OBSL1: variants seen among roughly 807,000 people sequenced by gnomAD.
OBSL1 encodes the protein obscurin-like protein 1.
Under a neutral mutation model 172.0 loss-of-function variants are expected in OBSL1, and 160 were observed. The observed-to-expected ratio is 0.93, with a 90% CI of 0.82 to 1.06. OBSL1 has a LOEUF of 1.06. Ranked by LOEUF, OBSL1 falls within the 50% of genes least tolerant of loss-of-function variation. The probability of loss-of-function intolerance (pLI) is 0.00; values close to 1 mark genes in which losing one functional copy is unlikely to be tolerated. For missense variants in OBSL1, 2,681 were observed against 2,715.4 expected (o/e 0.99, Z 0.28); for synonymous variants, 1,200 against 1,196.3 (o/e 1.00, Z -0.06).
chr2:219,551,063 G>A (rs1695579222), intron 20 of OBSL1: 1 of 1,428,390 alleles, frequency 7.0e-7, no homozygotes, highest in African/African-American at 1.4e-5. Flanking sequence ...ATTTGGGATA[G>A]AAGGTGGGAT....
intron 7 of OBSL1, chr2:219,562,913 C>G (rs1265728524): frequency 1.8e-6 from 1 of 564,166 alleles, no homozygotes; most frequent in Middle Eastern, 4.6e-4. Context: ...ACGGGGTCAG[C>G]CTCGGCTGTA....
In OBSL1 at chr2:219,570,686, G is replaced by A. The variant is rs754564362; in HGVS notation, c.547C>T (p.Arg183Cys). ...CTCGCGCCGGGGCCGTCCTCGGCGC[G>A]GCCCGGCTGGAGCGCGAAGTGGCTG... ...DSSHFALQPG[R>C]AEDGPGASLA... The change falls in exon 1 of 21, where the codon CGC becomes TGC. Residue 183 changes from arginine (R) to cysteine (C), a missense_variant. By Grantham distance (180) the Arg-to-Cys change is radical. This residue lies in a region of OBSL1 where 706 missense variants were observed against 695.8 expected (regional missense o/e 1.01). Transcript: ENST00000404537. 2.0e-6 allele frequency: 3 copies of A among 1,508,658 alleles called. No homozygotes were observed. The South Asian group carries it at 3.7e-5, about 19-fold the overall frequency. The allele number at this position is 1,508,658 out of a possible 1,614,324, so 93.5% of individuals were successfully genotyped here. A position where few individuals can be genotyped will look rare whatever the true frequency, so the allele number is the denominator to read the frequency against.
Position 219,559,225 on chromosome 2 carries a change from C to T in OBSL1, c.3226G>A (p.Ala1076Thr). ...DSAFFTVTVT[A>T]PPERIVHPAA... is the part of the protein sequence containing the mutation. Reference sequence around the variant, plus strand: ...TCTCTGTGCTGCAGAGACTGCCCACCTGTGACAGTGACAGTGAAGAAGGCC... The same window carrying T: ...TCTCTGTGCTGCAGAGACTGCCCACTTGTGACAGTGACAGTGAAGAAGGCC... The change falls in exon 9 of 21, where the codon GCC (alanine) becomes ACC (threonine). Residue 1076 changes from alanine to threonine, a missense_variant and splice_region_variant. Ala to Thr is a moderately conservative substitution (Grantham distance 58). This residue lies in a region of OBSL1 where 1,765 missense variants were observed against 1,748.3 expected (regional missense o/e 1.01). Transcript: ENST00000404537. 6.3e-7 allele frequency: 1 copy of T among 1,599,614 alleles called. No individual in the cohort carries two copies. Among genetic ancestry groups the T allele is most frequent in the East Asian group, 2.2e-5 (1 of 44,704 alleles).
rs2106018340 is a variant in OBSL1 at position 219,554,873 on chromosome 2, A to T, written c.4610-133T>A. 3.0e-6 allele frequency: 3 copies of T among 1,011,542 alleles called. No homozygotes were observed. In the East Asian group the frequency reaches 7.9e-5, roughly 27 times the overall value. 62.7% of individuals were successfully genotyped at this position (1,011,542 alleles called of 1,614,324 possible). ...AAGGTCCTGACCAAAAAAGTTCGGA[A>T]CCAGGGTGCAGGAAGAAAGGAGCAC... is the stretch of plus-strand genomic sequence containing the variant. On this transcript the variant is annotated intron_variant, in intron 14 of 20. Transcript: ENST00000404537.
chr2:219,549,306 G>A (rs768615069), downstream of OBSL1: 65 of 1,613,844 alleles, frequency 4.0e-5, no homozygotes, highest in South Asian at 7.1e-4. Context: ...CTGCTTATCG[G>A]CGCAGGCCAG....
At chr2:219,562,171 A>G (rs1483076665) in intron 8 of OBSL1, among the ~76,000 whole-genome samples, 2 of 152,108 alleles carry the variant, frequency 1.3e-5, no homozygotes, top group African/African-American at 4.8e-5. Context: ...TGATTCAGGG[A>G]AAGTGCTCAG....
At chr2:219,562,725 C>A in intron 7 of OBSL1, 51 bp from the exon 8 acceptor site, 1 of 1,497,538 alleles carries the variant, frequency 6.7e-7, no homozygotes, top group East Asian at 2.5e-5. Context: ...GCCCTGCCGT[C>A]CTCCCTGACC....
chr2:219,565,572 G>T lies in OBSL1; in HGVS notation c.2135-58C>A, dbSNP rs939323109. On this transcript the variant is annotated intron_variant, in intron 5 of 20. Coordinates refer to ENST00000404537, the MANE Select transcript of OBSL1 (RefSeq NM_015311.3). Reference sequence around the variant, plus strand: ...CCCTCCGGTGCATGGGCTCAGTGTCGGATGCATCAGAGGGAACAACTGCTG... The same window carrying T: ...CCCTCCGGTGCATGGGCTCAGTGTCTGATGCATCAGAGGGAACAACTGCTG... 5.8e-6 allele frequency: 9 copies of T among 1,540,332 alleles called. No homozygotes were observed. In the Admixed American group the frequency reaches 1.5e-4, roughly 26 times the overall value.
chr2:219,557,998 G>A lies in OBSL1; in HGVS notation c.3615C>T (p.Val1205=). 1 of 1,612,138 alleles carries A rather than the reference G, an allele frequency of 6.2e-7. No individual in the cohort carries two copies. The highest frequency in any genetic ancestry group is 2.2e-5 in the East Asian group (1 of 44,856). ...GCACGGGCCTCCCATTGTGGCTCCA[G>A]ACCACGGGGGCGCCAGCCCGGGACA... The part of the protein sequence containing the change: ...CELSRAGAPV[V]WSHNGRPVQE... Residue 1205 remains valine, a synonymous_variant, in exon 11 of 21, where the codon GTC becomes GTT. Coordinates refer to ENST00000404537, the MANE Select transcript of OBSL1 (RefSeq NM_015311.3).
At chr2:219,549,183 A>C, downstream of OBSL1, 1 of 1,613,982 alleles carries the variant, frequency 6.2e-7, no homozygotes, top group Non-Finnish European at 8.5e-7. Context: ...GACGCGTGCA[A>C]CTGATGCGGA....
rs749970893 is a variant in OBSL1 at position 219,567,403 on chromosome 2, G to A, written c.1707C>T (p.Ile569=). 3.7e-6 allele frequency: 6 copies of A among 1,612,908 alleles called. No individual in the cohort carries two copies. The East Asian group carries it at 6.7e-5, about 18-fold the overall frequency. The part of the protein sequence containing the change: ...GSEDWIQCFS[I]EKAGAVEVPG... ...GCACCTCCACGGCTCCGGCTTTCTC[G>A]ATGCTGAAGCACTGAATCCAGTCTT... The change falls in exon 4 of 21, where the codon ATC becomes ATT. Residue 569 remains isoleucine (I), a synonymous_variant. Transcript: ENST00000404537.
rs751657250 is a variant in OBSL1, at chr2:219,571,238, C to T, written c.-6G>A. The T allele has an allele frequency of 3.2e-6, 4 of 1,251,870 alleles. No individual in the cohort carries two copies. The highest frequency in any genetic ancestry group is 4.5e-5 in the South Asian group (2 of 44,500). 77.5% of individuals were successfully genotyped at this position (1,251,870 alleles called of 1,614,324 possible). A position where few individuals can be genotyped will look rare whatever the true frequency, so the allele number is the denominator to read the frequency against. ...TCCCCCGAGCTCGCCTTCATCGCGG[C>T]GGCCGACCGCCTGCAGCGGCGAACG... On this transcript the variant is annotated 5_prime_UTR_variant, in exon 1 of 21. Coordinates refer to ENST00000404537, the MANE Select transcript of OBSL1 (RefSeq NM_015311.3).
chr2:219,553,496 A>G (rs1695780821), intron 16 of OBSL1, 78 bp downstream of exon 16: 2 of 1,018,798 alleles, frequency 2.0e-6, no homozygotes, highest in East Asian at 2.5e-5. Context: ...CGCTCAAGGA[A>G]TATTAGCTGT....
At chr2:219,566,434 T>C (rs1454419424) in intron 5 of OBSL1, among the ~76,000 whole-genome samples, 1 of 151,036 alleles carries the variant, frequency 6.6e-6, no homozygotes, top group South Asian at 2.1e-4. Flanking sequence ...TGTTAATGTA[T>C]GTAAGGTGAT....
Position 219,556,225 on chromosome 2 carries a change from G to C in OBSL1, c.4404C>G (p.Leu1468=), listed in dbSNP as rs1480434715. Residue 1468 remains leucine, a synonymous_variant, in exon 14 of 21, where the codon CTC becomes CTG. Coordinates refer to ENST00000404537, the MANE Select transcript of OBSL1 (RefSeq NM_015311.3). ...VRAEEGQDVC[L]EVETGRVGAA... is the part of the protein sequence containing the mutation. The stretch of plus-strand genomic sequence containing the variant: ...CACCCACTCGGCCTGTCTCCACTTC[G>C]AGACACACATCCTGGCCTTCCTCTG... 6.2e-7 allele frequency: 1 copy of C among 1,609,036 alleles called. No homozygotes were observed. The highest frequency in any genetic ancestry group is 8.5e-7 in the Non-Finnish European group (1 of 1,176,856).
chr2:219,561,953 C>A lies in OBSL1; in HGVS notation c.2953+449G>T, dbSNP rs539799737. 3.0e-4 allele frequency: 216 copies of A among 717,566 alleles called. No homozygotes were observed. In the African/African-American group the frequency reaches 3.3e-3, roughly 11 times the overall value. The allele number at this position is 717,566 out of a possible 1,614,324, so 44.4% of individuals were successfully genotyped here. Reference sequence around the variant, plus strand: ...AGAGCCGCCGGGTCTTCGGCTTTTTCAAGAGGACGCATAACTCCGGATTGT... The same window carrying A: ...AGAGCCGCCGGGTCTTCGGCTTTTTAAAGAGGACGCATAACTCCGGATTGT... On this transcript the variant is annotated intron_variant, in intron 8 of 20. Transcript: ENST00000404537.
At chr2:219,552,771 T>G in intron 17 of OBSL1, 74 bp from the exon 18 acceptor site, 2 of 1,515,018 alleles carry the variant, frequency 1.3e-6, no homozygotes, top group Non-Finnish European at 1.8e-6. Context: ...CACGCCCCCT[T>G]TCTAGAAGCA....
intron 15 of OBSL1, 67 bp downstream of exon 15, chr2:219,554,407 G>C: frequency 1.3e-6 from 2 of 1,565,580 alleles, no homozygotes; most frequent in Non-Finnish European, 1.7e-6. Flanking sequence ...TTGGGGGTCA[G>C]TATTCATGCC....
chr2:219,557,678 C>T (rs2278200), intron 11 of OBSL1, 60 bp from the exon 12 acceptor site: 43 of 1,502,544 alleles, frequency 2.9e-5, no homozygotes, highest in South Asian at 5.3e-5. Context: ...GAGGAGGGCA[C>T]GGGGAGGCAT....
Sources: gnomAD v4.1 joint callset for allele counts (sites outside exome capture counted in the v4.1 genomes callset) on GRCh38, gnomAD v4.1.1 for gene constraint, gnomAD v4.1.1 regional missense constraint, MANE v1.5 for transcripts, NCBI Gene and HGNC (gene_info 2026-07-23, HGNC 2026-07-21) for gene names.